FUT8: variants seen among roughly 807,000 people sequenced by gnomAD.
FUT8 encodes fucosyltransferase 8, also known as alpha-(1,6)-fucosyltransferase.
In FUT8, 29 loss-of-function variants were observed where a neutral mutation model predicts 71.3. The ratio of observed to expected loss-of-function variants is 0.41; its 90% CI spans 0.30 to 0.55. FUT8 has a LOEUF of 0.55. FUT8 is among the 20% of genes least tolerant of loss of function. The probability of loss-of-function intolerance (pLI) is 0.34; values close to 1 mark genes in which losing one functional copy is unlikely to be tolerated. For synonymous variants in FUT8, 254 were observed against 239.3 expected (o/e 1.06, Z -0.57); for missense variants, 544 against 702.1 (o/e 0.77, Z 2.55).
Position 65,625,052 on chromosome 14 carries a change from G to A in FUT8, c.483-4440G>A, listed in dbSNP as rs529656670. 3.4e-3 allele frequency among the ~76,000 whole-genome samples: 464 copies of A among 138,456 alleles called. 3 individuals carry two copies. The highest frequency in any genetic ancestry group is 6.1e-3 in the Non-Finnish European group (386 of 63,642). The allele number at this position is 138,456 out of a possible 152,430, so 90.8% of individuals were successfully genotyped here. On this transcript the variant is annotated intron_variant, in intron 5 of 10. Coordinates refer to ENST00000673929, the MANE Select transcript of FUT8 (RefSeq NM_001371533.1). ...CTGCACTTCAGCCTGGGCAACAAGA[G>A]TGAAACTCTGTCATAAATAAATAAA...
At chr14:65,686,703 A>G (rs919456329) in intron 7 of FUT8, among the ~76,000 whole-genome samples, 2 of 152,254 alleles carry the variant, frequency 1.3e-5, no homozygotes, top group Non-Finnish European at 2.9e-5. Flanking sequence ...ATCAATTAGC[A>G]AAGAACAAGA....
At chr14:65,455,146 A>G (rs1405933177) in intron 1 of FUT8, among the ~76,000 whole-genome samples, 1 of 152,176 alleles carries the variant, frequency 6.6e-6, no homozygotes, top group Non-Finnish European at 1.5e-5. Flanking sequence ...TGTTCTATGG[A>G]AAGAAAGCAA....
chr14:65,714,845 T>C (rs1380464155), intron 7 of FUT8, among the ~76,000 whole-genome samples: 2 of 152,210 alleles, frequency 1.3e-5, no homozygotes, highest in African/African-American at 2.4e-5. Flanking sequence ...TTTGTAACTA[T>C]TGTAAATTGG....
chr14:65,642,181 T>C, intron 6 of FUT8, among the ~76,000 whole-genome samples: 1 of 152,208 alleles, frequency 6.6e-6, no homozygotes, highest in South Asian at 2.1e-4. Flanking sequence ...AGGTCTAAGA[T>C]CCATTTTGAG....
chr14:65,554,401 GTTTT>G (rs201905501), intron 2 of FUT8, among the ~76,000 whole-genome samples: 3 of 135,248 alleles, frequency 2.2e-5, no homozygotes, highest in Non-Finnish European at 4.7e-5. Context: ...TATGGTTTGG[GTTTT>G]TTTTTTAACT....
chr14:65,712,214 A>G (rs1390643607), intron 7 of FUT8, among the ~76,000 whole-genome samples: 4 of 152,206 alleles, frequency 2.6e-5, no homozygotes, highest in Admixed American at 6.5e-5. Context: ...GGTCGTGAAT[A>G]TGTAAAATAA....
intron 1 of FUT8, among the ~76,000 whole-genome samples, chr14:65,447,109 G>A (rs972108045): frequency 2.3e-4 from 35 of 151,562 alleles, no homozygotes; most frequent in African/African-American, 8.2e-4. Context: ...TCCCTTCTGG[G>A]TGGTGAAATC....
chr14:65,584,145 G>A (rs1401946434), intron 3 of FUT8, among the ~76,000 whole-genome samples: 1 of 150,802 alleles, frequency 6.6e-6, no homozygotes, highest in Non-Finnish European at 1.5e-5. Context: ...CTCCCAAAGT[G>A]CTGAGATTAC....
intron 3 of FUT8, among the ~76,000 whole-genome samples, chr14:65,580,588 C>CATT (rs1292272723): frequency 1.3e-5 from 2 of 151,940 alleles, no homozygotes; most frequent in African/African-American, 4.8e-5. Context: ...GTTGATCACT[C>CATT]ATTATTATTT....
At chr14:65,381,178 C>G in the FUT8 span, among the ~76,000 whole-genome samples, 1 of 152,138 alleles carries the variant, frequency 6.6e-6, no homozygotes, top group Non-Finnish European at 1.5e-5. Flanking sequence ...TTTTGAAGCC[C>G]CATCTCCCTT....
At chr14:65,469,246 C>T (rs1032563668) in intron 2 of FUT8, among the ~76,000 whole-genome samples, 2 of 152,108 alleles carry the variant, frequency 1.3e-5, no homozygotes, top group Non-Finnish European at 2.9e-5. Flanking sequence ...CTGCCACATC[C>T]GAGTCTGTTT....
chr14:65,370,375 T>A, the FUT8 span, among the ~76,000 whole-genome samples: 1 of 151,522 alleles, frequency 6.6e-6, no homozygotes, highest in Admixed American at 6.6e-5. Context: ...GCCCGGCTAA[T>A]TTTTTGTATT....
At position 65,653,877 on chromosome 14, in the gene FUT8, C is replaced by G. The variant is rs74058546; in HGVS notation, c.598-15366C>G. Among the ~76,000 whole-genome samples the G allele has an allele frequency of 7.8e-3, 1,190 of 152,188 alleles. 9 individuals are homozygous for G. The highest frequency in any genetic ancestry group is 0.024 in the African/African-American group (986 of 41,502). On this transcript the variant is annotated intron_variant, in intron 6 of 10. Transcript: ENST00000673929. ...AAGAATTACCATCCAGAATTTTTCA[C>G]CTAGGGAAAATACAACGAAGTGAGA...
chr14:65,579,746 A>T (rs923895723), intron 3 of FUT8, among the ~76,000 whole-genome samples: 2 of 152,166 alleles, frequency 1.3e-5, no homozygotes, highest in African/African-American at 4.8e-5. Context: ...CAGTGGGGTC[A>T]TAAACTGCCT....
chr14:65,359,957 C>T, the FUT8 span, among the ~76,000 whole-genome samples: 1 of 152,142 alleles, frequency 6.6e-6, no homozygotes, highest in African/African-American at 2.4e-5. Flanking sequence ...CTCAGCCTCC[C>T]GAGTAGCTGG....
intron 9 of FUT8, among the ~76,000 whole-genome samples, chr14:65,730,597 G>A (rs747456268): frequency 6.6e-6 from 1 of 152,088 alleles, no homozygotes; most frequent in African/African-American, 2.4e-5. Context: ...ATGTGAACCC[G>A]GGAGGCGGAG....
At chr14:65,556,378 G>C (rs568304041) in intron 2 of FUT8, among the ~76,000 whole-genome samples, 27 of 152,272 alleles carry the variant, frequency 1.8e-4, no homozygotes, top group African/African-American at 6.5e-4. Context: ...CAACAACCTT[G>C]TGAGGTGCTT....
chr14:65,625,831 T>A (rs1185750133), intron 5 of FUT8, among the ~76,000 whole-genome samples: 1 of 152,256 alleles, frequency 6.6e-6, no homozygotes, highest in Admixed American at 6.5e-5. Context: ...TATTATCACG[T>A]ATTCTCTGTT....
chr14:65,526,803 A>G (rs934118769), intron 2 of FUT8, among the ~76,000 whole-genome samples: 11 of 152,086 alleles, frequency 7.2e-5, no homozygotes, highest in African/African-American at 2.7e-4. Context: ...AAAGGATTTT[A>G]TTTCTCCTTC....
Sources: gnomAD v4.1 joint callset for allele counts (sites outside exome capture counted in the v4.1 genomes callset) on GRCh38, gnomAD v4.1.1 for gene constraint, MANE v1.5 for transcripts, NCBI Gene and HGNC (gene_info 2026-07-23, HGNC 2026-07-21) for gene names.